SPON2: variants seen among roughly 807,000 people sequenced by gnomAD.
SPON2 encodes spondin 2.
SPON2 carries 32 observed loss-of-function variants against 29.9 expected under a neutral mutation model. The ratio of observed to expected loss-of-function variants is 1.07; its 90% CI spans 0.81 to 1.44. The LOEUF is 1.44. SPON2 is among the 40% of genes most tolerant of loss of function. SPON2 has a pLI of 0.00. For synonymous variants in SPON2, 248 were observed against 209.1 expected, an observed-to-expected ratio of 1.19 and a Z score of -1.61; for missense variants, 541 against 455.5, an observed-to-expected ratio of 1.19 and a Z score of -1.71.
intron 4 of SPON2, 26 bp downstream of exon 4, chr4:1,170,973 C>G (rs1334841333): frequency 6.5e-7 from 1 of 1,546,190 alleles, no homozygotes; most frequent in African/African-American, 1.4e-5. Flanking sequence ...CATAGCGGCC[C>G]TTGCGCACGC....
At chr4:1,185,344 G>A (rs1431671607) in intron 1 of SPON2, among the ~76,000 whole-genome samples, 1 of 151,396 alleles carries the variant, frequency 6.6e-6, no homozygotes, top group Non-Finnish European at 1.5e-5. Context: ...CCAAAGTGCT[G>A]GGATTACAGG....
At chr4:1,186,249 A>AG (rs1222110910) in intron 1 of SPON2, among the ~76,000 whole-genome samples, 1 of 152,024 alleles carries the variant, frequency 6.6e-6, no homozygotes, top group Non-Finnish European at 1.5e-5. Context: ...GTCTCAAAAA[A>AG]AAAAAAAAAA....
chr4:1,187,765 T>C (rs1727832354), intron 1 of SPON2, among the ~76,000 whole-genome samples: 1 of 152,214 alleles, frequency 6.6e-6, no homozygotes, highest in Admixed American at 6.5e-5. Context: ...TACACATCAT[T>C]TGACTACCAG....
chr4:1,167,213 C>G lies in SPON2; in HGVS notation c.*259G>C. The G allele has an allele frequency of 2.1e-6, 1 of 474,224 alleles. No homozygotes were observed. The highest frequency in any genetic ancestry group is 3.4e-5 in the East Asian group (1 of 29,318). The allele number at this position is 474,224 out of a possible 1,614,324, so 29.4% of individuals were successfully genotyped here. A position where few individuals can be genotyped will look rare whatever the true frequency, so the allele number is the denominator to read the frequency against. On this transcript the variant is annotated 3_prime_UTR_variant, in exon 6 of 6. Coordinates refer to ENST00000290902, the MANE Select transcript of SPON2 (RefSeq NM_012445.4). ...GCTGGAGCCTTGGGGATGACTTTAT[C>G]CTGCAGGAGGAGGAGGCTGAGAGCA...
chr4:1,170,304 A>T, intron 5 of SPON2, 98 bp downstream of exon 5: 1 of 1,207,498 alleles, frequency 8.3e-7, no homozygotes, highest in Non-Finnish European at 1.2e-6. Flanking sequence ...ACGAATCCCT[A>T]CTTGGAATTT....
chr4:1,170,488 A>G lies in SPON2; in HGVS notation c.725T>C (p.Val242Ala). The change falls in exon 5 of 6, where the codon GTG becomes GCG. Residue 242 changes from valine (V) to alanine (A), a missense_variant. By Grantham distance (64) the Val-to-Ala change is moderately conservative (BLOSUM62 0). Coordinates refer to ENST00000290902, the MANE Select transcript of SPON2 (RefSeq NM_012445.4). ...GGCCCTGGGGCTCTGTCGCAGCCGCACCAGTGTCACCCTGGCGATGGGAGG... is the reference window on the plus strand; with the variant it reads ...GGCCCTGGGGCTCTGTCGCAGCCGCGCCAGTGTCACCCTGGCGATGGGAGG... ...ALPPIARVTL[V>A]RLRQSPRAFI... 2 of 1,614,024 alleles carry G rather than the reference A, an allele frequency of 1.2e-6. No homozygotes were observed. Among genetic ancestry groups the G allele is most frequent in the Non-Finnish European group, 1.7e-6 (2 of 1,179,938 alleles).
In SPON2 at chr4:1,202,934, T is replaced by G. The variant is rs2108682264; in HGVS notation, c.-234+4946A>C. Among the ~76,000 whole-genome samples, 1 of 152,304 alleles carries G rather than the reference T, an allele frequency of 6.6e-6. No individual in the cohort carries two copies. The highest frequency in any genetic ancestry group is 1.9e-4 in the East Asian group (1 of 5,178). On this transcript the variant is annotated intron_variant, in intron 1 of 3. Transcript: ENST00000509233. This position sits in a 1 kb window ranked among gnomAD's most constrained non-coding sequence, Gnocchi z 5.4. ...GCGGCCAAGGAGGGCTGGGCCAGGA[T>G]CGGGGGAGACCCAGGCAGGCAGTGA...
At chr4:1,187,298 GA>G (rs1727824621) in intron 1 of SPON2, among the ~76,000 whole-genome samples, 1 of 152,204 alleles carries the variant, frequency 6.6e-6, no homozygotes, top group African/African-American at 2.4e-5. Flanking sequence ...ATTCCACTTA[GA>G]TGAGGTACTT....
intron 1 of SPON2, chr4:1,200,169 G>A (rs980858699): frequency 6.6e-6 from 1 of 152,406 alleles, no homozygotes; most frequent in African/African-American, 2.4e-5. Context: ...GTTGATGGTT[G>A]TGTCCGCCCG....
At chr4:1,172,142 A>C in intron 1 of SPON2, 68 bp from the exon 2 acceptor site, 2 of 1,409,240 alleles carry the variant, frequency 1.4e-6, no homozygotes, top group Non-Finnish European at 2.0e-6. Flanking sequence ...GAAAGCCGAG[A>C]GGGCTGCGGC....
At chr4:1,170,340 T>C in intron 5 of SPON2, 62 bp downstream of exon 5, 1 of 1,524,824 alleles carries the variant, frequency 6.6e-7, no homozygotes, top group Non-Finnish European at 8.9e-7. Context: ...TCGGGTTTGG[T>C]GGTCGCCCTG....
chr4:1,172,766 C>G (rs1246728287), upstream of SPON2: 1 of 152,878 alleles, frequency 6.5e-6, no homozygotes, highest in Non-Finnish European at 1.5e-5. Flanking sequence ...TTTCCCAACT[C>G]GCCCTGCCCA....
intron 1 of SPON2, among the ~76,000 whole-genome samples, chr4:1,189,165 C>G (rs971301371): frequency 6.6e-6 from 1 of 151,922 alleles, no homozygotes; most frequent in African/African-American, 2.4e-5. Flanking sequence ...TACTAAAATA[C>G]AGATGAAGCT....
chr4:1,186,360 G>A (rs1295814630), intron 1 of SPON2, among the ~76,000 whole-genome samples: 1 of 151,356 alleles, frequency 6.6e-6, no homozygotes, highest in African/African-American at 2.4e-5. Flanking sequence ...CTGGGGTGCA[G>A]TGGTGCAATC....
rs991672404 is a variant in SPON2, at chr4:1,171,091, G to C, written c.544C>G (p.Leu182Val). Residue 182 changes from leucine (L) to valine (V), a missense_variant, in exon 4 of 6, where the codon CTG becomes GTG. Leu to Val is a conservative substitution (Grantham distance 32). Coordinates refer to ENST00000290902, the MANE Select transcript of SPON2 (RefSeq NM_012445.4). The part of the protein sequence containing the change: ...DGDRWREQAA[L>V]DLYPYDAGTD... ...CCGGCGTCGTAGGGGTACAGGTCCA[G>C]CGCCGCCTGTTCCCGCCAACGGTCC... 5.8e-6 allele frequency: 9 copies of C among 1,550,354 alleles called. No homozygotes were observed. The highest frequency in any genetic ancestry group is 7.8e-6 in the Non-Finnish European group (9 of 1,146,822).
intron 1 of SPON2, among the ~76,000 whole-genome samples, chr4:1,192,003 G>A (rs575149092): frequency 3.5e-4 from 54 of 152,358 alleles, no homozygotes; most frequent in Admixed American, 4.6e-4. Context: ...GGATAGAAGA[G>A]ACTCAGCCCC....
chr4:1,171,394 C>G lies in SPON2; in HGVS notation c.313G>C (p.Ala105Pro). The change falls in exon 3 of 6, where the codon GCG becomes CCG. Residue 105 changes from alanine to proline, a missense_variant. Coordinates refer to ENST00000290902, the MANE Select transcript of SPON2 (RefSeq NM_012445.4). ...RDFAERGEAWALMKEIEAAGE... is the reference protein window; with the variant it reads ...RDFAERGEAWPLMKEIEAAGE... ...GCCGCCTCGATCTCCTTCATCAGCG[C>G]CCAGGCCTCGCCGCGCTCCGCAAAG... The G allele has an allele frequency of 1.2e-6, 2 of 1,612,336 alleles. No individual in the cohort carries two copies. The highest frequency in any genetic ancestry group is 1.1e-5 in the South Asian group (1 of 91,082).
upstream of SPON2, among the ~76,000 whole-genome samples, chr4:1,174,620 A>G (rs1401342932): frequency 6.6e-6 from 1 of 152,234 alleles, no homozygotes; most frequent in Non-Finnish European, 1.5e-5. Flanking sequence ...AGAAATGTTC[A>G]GAATACTTGC....
intron 1 of SPON2, among the ~76,000 whole-genome samples, chr4:1,183,259 AAAAG>A (rs1434135900): frequency 9.9e-5 from 15 of 151,340 alleles, no homozygotes; most frequent in African/African-American, 1.9e-4. Flanking sequence ...AAAAAAACAA[AAAAG>A]AAAGAGAGAG....
Sources: gnomAD v4.1 joint callset for allele counts (sites outside exome capture counted in the v4.1 genomes callset) on GRCh38, gnomAD v4.1.1 for gene constraint, Gnocchi (gnomAD v3.1) non-coding constraint, MANE v1.5 for transcripts, NCBI Gene and HGNC (gene_info 2026-07-23, HGNC 2026-07-21) for gene names.